PAN3: variants seen among roughly 807,000 people sequenced by gnomAD.
PAN3 encodes poly(A) specific ribonuclease subunit PAN3, also known as PAN2-PAN3 deadenylation complex subunit PAN3.
In PAN3, 19 loss-of-function variants were observed where a neutral mutation model predicts 96.2. The observed-to-expected ratio is 0.20, with a 90% CI of 0.14 to 0.29. PAN3 has a LOEUF of 0.29. Among genes scored for constraint, PAN3 ranks in the 10% least tolerant of loss-of-function variants. PAN3 has a pLI of 1.00. For missense variants in PAN3, 882 were observed against 1,108.1 expected, an observed-to-expected ratio of 0.80 and a Z score of 2.90; for synonymous variants, 433 against 406.6, an observed-to-expected ratio of 1.06 and a Z score of -0.78.
chr13:28,162,751 G>A (rs1873042331), intron 1 of PAN3, among the ~76,000 whole-genome samples: 1 of 151,668 alleles, frequency 6.6e-6, no homozygotes, highest in Non-Finnish European at 1.5e-5. Context: ...GGCCAAGGAG[G>A]GAGGATTGCT....
At chr13:28,247,986 G>C (rs1884365847) in intron 6 of PAN3, among the ~76,000 whole-genome samples, 1 of 152,094 alleles carries the variant, frequency 6.6e-6, no homozygotes. Flanking sequence ...AGACTGTGTT[G>C]AATCTGTAGA....
chr13:28,223,325 A>G (rs1349924043), intron 6 of PAN3, among the ~76,000 whole-genome samples: 1 of 152,184 alleles, frequency 6.6e-6, no homozygotes, highest in Non-Finnish European at 1.5e-5. Flanking sequence ...GGATTTATAG[A>G]TACAGTTTTG....
At chr13:28,163,353 T>C (rs572533182) in intron 1 of PAN3, among the ~76,000 whole-genome samples, 2 of 152,250 alleles carry the variant, frequency 1.3e-5, no homozygotes, top group African/African-American at 4.8e-5. Flanking sequence ...AAATAGTATC[T>C]TAAGAGGTAA....
Position 28,285,447 on chromosome 13 carries a change from TTTG to T in PAN3, c.2385-2534_2385-2532del, listed in dbSNP as rs562929807. ...CAAGCTTTTGGGTTTTGTTTGTTTGTTTGTTTGTTTGTTTAGTCACTGATGTTC... is the reference window on the plus strand; with the variant it reads ...CAAGCTTTTGGGTTTTGTTTGTTTGTTTTGTTTGTTTAGTCACTGATGTTC... On this transcript the variant is annotated intron_variant, in intron 17 of 18. Transcript: ENST00000380958. Among the ~76,000 whole-genome samples, 5 of 152,252 alleles carry T rather than the reference TTTG, an allele frequency of 3.3e-5. No homozygotes were observed. In the South Asian group the frequency reaches 1.0e-3, roughly 32 times the overall value.
At chr13:28,189,538 A>C (rs997971102) in intron 4 of PAN3, among the ~76,000 whole-genome samples, 9 of 151,208 alleles carry the variant, frequency 6.0e-5, no homozygotes, top group African/African-American at 2.0e-4. Context: ...ACAAAACAAA[A>C]CAAAAAAACT....
intron 1 of PAN3, among the ~76,000 whole-genome samples, chr13:28,163,661 T>C (rs1207665641): frequency 6.6e-6 from 1 of 152,228 alleles, no homozygotes; most frequent in Non-Finnish European, 1.5e-5. Context: ...GTCTTGAGTA[T>C]GTATATTAGA....
chr13:28,217,946 C>G (rs1481263169), intron 5 of PAN3, among the ~76,000 whole-genome samples: 2 of 151,660 alleles, frequency 1.3e-5, no homozygotes, highest in African/African-American at 4.8e-5. Flanking sequence ...CTAGATAAAA[C>G]CTTTGCCTCC....
chr13:28,172,527 A>T (rs796490807), intron 1 of PAN3, among the ~76,000 whole-genome samples: 55 of 152,302 alleles, frequency 3.6e-4, no homozygotes, highest in African/African-American at 1.3e-3. Context: ...AAACTTTGAT[A>T]AAAGTAGAGA....
chr13:28,142,464 G>GCCTT (rs1050117091), intron 1 of PAN3, among the ~76,000 whole-genome samples: 1 of 150,690 alleles, frequency 6.6e-6, no homozygotes, highest in African/African-American at 2.5e-5. Flanking sequence ...ACCACATCTG[G>GCCTT]CCTTCATTGG....
At chr13:28,208,608 C>T (rs975163066) in intron 5 of PAN3, among the ~76,000 whole-genome samples, 4 of 152,024 alleles carry the variant, frequency 2.6e-5, no homozygotes, top group African/African-American at 7.2e-5. Flanking sequence ...CGAAATACTG[C>T]ATTGAACATT....
chr13:28,291,666 C>G (rs528564936), intron 18 of PAN3, among the ~76,000 whole-genome samples: 1 of 152,204 alleles, frequency 6.6e-6, no homozygotes, highest in Admixed American at 6.5e-5. Context: ...CCCGTCTCTA[C>G]TTAAAATACA....
At chr13:28,188,952 GAGAAT>G (rs1349097686) in intron 4 of PAN3, among the ~76,000 whole-genome samples, 2 of 152,220 alleles carry the variant, frequency 1.3e-5, no homozygotes, top group Admixed American at 1.3e-4. Flanking sequence ...TTTGGGAGAA[GAGAAT>G]AGATCTTCTT....
chr13:28,141,926 G>T (rs1234219152), intron 1 of PAN3, among the ~76,000 whole-genome samples: 1 of 152,148 alleles, frequency 6.6e-6, no homozygotes, highest in Non-Finnish European at 1.5e-5. Flanking sequence ...CTGAGATATA[G>T]GGACTCGAGA....
At position 28,214,727 on chromosome 13, in the gene PAN3, A is replaced by T. The variant is rs1880517625; in HGVS notation, c.853-5504A>T. 3 of 507,816 alleles carry T rather than the reference A, an allele frequency of 5.9e-6. No homozygotes were observed. The South Asian group carries it at 6.1e-5, about 10-fold the overall frequency. The allele number at this position is 507,816 out of a possible 1,614,324, so 31.5% of individuals were successfully genotyped here. A position where few individuals can be genotyped will look rare whatever the true frequency, so the allele number is the denominator to read the frequency against. ...GAAAGCTGAGCATGAATGTGGTCTCACTATTGATATCTCCCTGTAGAAACT... is the reference window on the plus strand; with the variant it reads ...GAAAGCTGAGCATGAATGTGGTCTCTCTATTGATATCTCCCTGTAGAAACT... On this transcript the variant is annotated intron_variant, in intron 5 of 18. Transcript: ENST00000380958.
intron 1 of PAN3, among the ~76,000 whole-genome samples, chr13:28,145,352 T>TC (rs1242363576): frequency 6.6e-6 from 1 of 151,998 alleles, no homozygotes; most frequent in East Asian, 1.9e-4. Context: ...TGAGACAGAG[T>TC]CTCACTCTAT....
At chr13:28,253,122 C>T (rs557588595) in intron 6 of PAN3, among the ~76,000 whole-genome samples, 19 of 152,094 alleles carry the variant, frequency 1.2e-4, no homozygotes, top group South Asian at 6.2e-4. Context: ...ACCCTTTTAG[C>T]GTAAGATTCC....
intron 1 of PAN3, among the ~76,000 whole-genome samples, chr13:28,146,970 A>G (rs1412613048): frequency 6.6e-6 from 1 of 152,090 alleles, no homozygotes; most frequent in Non-Finnish European, 1.5e-5. Flanking sequence ...TGACAAAGCA[A>G]GACTCCGTCT....
At chr13:28,279,481 C>T (rs994630396) in intron 15 of PAN3, among the ~76,000 whole-genome samples, 13 of 151,948 alleles carry the variant, frequency 8.6e-5, no homozygotes, top group African/African-American at 4.8e-5. Flanking sequence ...CTTTTTTGGC[C>T]GGGTGCAGTG....
At chr13:28,157,104 C>CA (rs1252987323) in intron 1 of PAN3, among the ~76,000 whole-genome samples, 4 of 150,512 alleles carry the variant, frequency 2.7e-5, no homozygotes, top group African/African-American at 9.8e-5. Flanking sequence ...TTACCCGTCA[C>CA]ATAAACAGAG....
Sources: allele counts gnomAD v4.1 joint callset (sites outside exome capture counted in the v4.1 genomes callset), GRCh38; gene constraint gnomAD v4.1.1; transcripts MANE v1.5; gene names NCBI Gene and HGNC (gene_info 2026-07-23, HGNC 2026-07-21).